STAB2: variants seen among roughly 807,000 people sequenced by gnomAD.
STAB2 encodes stabilin 2, also known as stabilin-2.
STAB2 carries 288 observed loss-of-function variants against 338.1 expected under a neutral mutation model. That is an observed-to-expected ratio of 0.85 (90% CI 0.77 to 0.94). STAB2 has a LOEUF of 0.94. Ranked by LOEUF, STAB2 falls within the 40% of genes least tolerant of loss-of-function variation. The pLI is 0.00. For missense variants in STAB2, 3,141 were observed against 3,210.1 expected, an observed-to-expected ratio of 0.98 and a Z score of 0.52; for synonymous variants, 1,202 against 1,193.3, an observed-to-expected ratio of 1.01 and a Z score of -0.15.
intron 55 of STAB2, among the ~76,000 whole-genome samples, chr12:103,741,426 G>A (rs1383764724): frequency 6.6e-6 from 1 of 152,072 alleles, no homozygotes; most frequent in Non-Finnish European, 1.5e-5. Context: ...ACAACCCCTA[G>A]GGAGTAGGTT....
intron 18 of STAB2, 53 bp downstream of exon 18, chr12:103,663,051 G>C (rs1874761884): frequency 1.3e-6 from 2 of 1,596,336 alleles, no homozygotes; most frequent in Middle Eastern, 1.7e-4. Context: ...TCAGAGCAGA[G>C]AGCATCCCAC....
At chr12:103,655,035 A>T (rs1874074717) in intron 13 of STAB2, among the ~76,000 whole-genome samples, 1 of 152,248 alleles carries the variant, frequency 6.6e-6, no homozygotes. Flanking sequence ...TCTGACCTAG[A>T]TGATGAGGGC....
intron 21 of STAB2, 37 bp from the exon 22 acceptor site, chr12:103,670,659 T>C (rs778740519): frequency 6.6e-6 from 10 of 1,513,416 alleles, no homozygotes; most frequent in Non-Finnish European, 9.2e-6. Flanking sequence ...GAGAACTATG[T>C]GTCCTAATGG....
At chr12:103,684,965 T>G (rs769994387) in intron 26 of STAB2, 24 bp from the exon 27 acceptor site, 1 of 1,610,806 alleles carries the variant, frequency 6.2e-7, no homozygotes, top group Non-Finnish European at 8.5e-7. Flanking sequence ...GGGGTAACCA[T>G]TTCTTTCATC....
At position 103,676,935 on chromosome 12, in the gene STAB2, A is replaced by T. The variant is rs148939290; in HGVS notation, c.2647-518A>T. ...CTACAGATTCCTTTGATTCCCTTTGAGTGAGCCCCATCCCAACCCCATCCC... is the reference window on the plus strand; with the variant it reads ...CTACAGATTCCTTTGATTCCCTTTGTGTGAGCCCCATCCCAACCCCATCCC... On this transcript the variant is annotated intron_variant, in intron 24 of 68. Coordinates refer to ENST00000388887, the MANE Select transcript of STAB2 (RefSeq NM_017564.10). Among the ~76,000 whole-genome samples, 1,091 of 152,218 alleles carry T rather than the reference A, an allele frequency of 7.2e-3. 6 individuals carry two copies. Among genetic ancestry groups the T allele is most frequent in the Non-Finnish European group, 0.011 (738 of 68,012 alleles).
chr12:103,724,068 G>A (rs1880990577), intron 44 of STAB2, among the ~76,000 whole-genome samples: 1 of 152,090 alleles, frequency 6.6e-6, no homozygotes, highest in South Asian at 2.1e-4. Flanking sequence ...AAGAATGAAG[G>A]GAAAGGCGGT....
At chr12:103,668,945 T>A in intron 20 of STAB2, 1 of 500,774 alleles carries the variant, frequency 2.0e-6, no homozygotes, top group Non-Finnish European at 3.6e-6. Context: ...TTAACACAGA[T>A]CACACTCTTA....
intron 8 of STAB2, among the ~76,000 whole-genome samples, chr12:103,638,735 G>A (rs1450574515): frequency 6.6e-6 from 1 of 152,190 alleles, no homozygotes; most frequent in East Asian, 1.9e-4. Flanking sequence ...TAAAAAATCT[G>A]GTCAGGAGAC....
intron 52 of STAB2, among the ~76,000 whole-genome samples, chr12:103,735,861 C>A (rs1330088157): frequency 2.0e-5 from 3 of 152,128 alleles, no homozygotes; most frequent in Admixed American, 6.5e-5. Context: ...TTGTGTAGAG[C>A]ATTTTCCAAT....
chr12:103,610,384 A>C (rs959972627), intron 3 of STAB2, among the ~76,000 whole-genome samples: 1 of 152,168 alleles, frequency 6.6e-6, no homozygotes, highest in African/African-American at 2.4e-5. Context: ...TGGTCTATTC[A>C]AAGATTCAAC....
chr12:103,740,117 A>T (rs61549164), intron 54 of STAB2, among the ~76,000 whole-genome samples: 4,040 of 152,322 alleles, frequency 0.027, 185 homozygotes, highest in African/African-American at 0.094. Flanking sequence ...AGTAAATTTT[A>T]AAAATGTGGG....
At position 103,726,142 on chromosome 12, in the gene STAB2, C is replaced by G. The variant is rs1212742144; in HGVS notation, c.4830C>G (p.Ser1610=). ...AGCTTCCCAAGAACCCGAAAACTTC[C>G]CAGTATTTCTTCCAGTTGCAGGTAG... ...YQELPKNPKT[S]QYFFQLQEHF... The change falls in exon 46 of 69, where the codon TCC becomes TCG. Residue 1610 remains serine, a synonymous_variant. Coordinates refer to ENST00000388887, the MANE Select transcript of STAB2 (RefSeq NM_017564.10). 1 of 1,613,922 alleles carries G rather than the reference C, an allele frequency of 6.2e-7. No individual in the cohort carries two copies. The highest frequency in any genetic ancestry group is 8.5e-7 in the Non-Finnish European group (1 of 1,179,860).
rs370649199 is a variant in STAB2, at chr12:103,692,768, C to A, written c.3298-44C>A. 5.0e-5 allele frequency: 75 copies of A among 1,507,750 alleles called. No individual in the cohort carries two copies. The East Asian group carries it at 1.6e-3, about 32-fold the overall frequency. The allele number at this position is 1,507,750 out of a possible 1,614,324, so 93.4% of individuals were successfully genotyped here. A position where few individuals can be genotyped will look rare whatever the true frequency, so the allele number is the denominator to read the frequency against. ...CAGAGATCATCTCAATCCCAAGGTG[C>A]GCTCTATAAAGACTCATCTTCCCAC... On this transcript the variant is annotated intron_variant, in intron 30 of 68. Coordinates refer to ENST00000388887, the MANE Select transcript of STAB2 (RefSeq NM_017564.10).
Position 103,730,240 on chromosome 12 carries a change from A to C in STAB2, c.5207A>C (p.Asn1736Thr), listed in dbSNP as rs17034433. Residue 1736 changes from asparagine to threonine, a missense_variant, in exon 49 of 69, where the codon AAC (asparagine) becomes ACC (threonine). Coordinates refer to ENST00000388887, the MANE Select transcript of STAB2 (RefSeq NM_017564.10). ...PKNLLITPKD[N>T]SGRILQNLTT... ...AATTTGCTTATCACTCCCAAAGACA[A>C]CTCTGGAAGAATTCTGGTAGGTAAA... is the stretch of plus-strand genomic sequence containing the variant. 0.043 allele frequency: 68,854 copies of C among 1,612,686 alleles called. 1,829 individuals are homozygous for C. The highest frequency in any genetic ancestry group is 0.11 in the Admixed American group (6,291 of 59,904).
At chr12:103,680,270 T>A (rs1876778903) in intron 25 of STAB2, among the ~76,000 whole-genome samples, 1 of 152,236 alleles carries the variant, frequency 6.6e-6, no homozygotes, top group African/African-American at 2.4e-5. Flanking sequence ...TTTTAAATGG[T>A]TAAAATGATA....
intron 24 of STAB2, among the ~76,000 whole-genome samples, 158 bp downstream of exon 24, chr12:103,676,179 A>G (rs697201): frequency 0.18 from 26,740 of 149,006 alleles, 2,445 homozygotes; most frequent in East Asian, 0.28. Flanking sequence ...CTCCTGCCTC[A>G]GCCTCCCGAG....
In STAB2 at chr12:103,699,111, C is replaced by G. The variant is rs139480810; in HGVS notation, c.3598C>G (p.Arg1200Gly). ...KVLSLEEDVL[R>G]YHVVLEEKLL... ...TGTGATCCAGGAGGAGGACGTCCTCCGGTATCATGTGGTCCTGGAGGAGAA... is the reference window on the plus strand; with the variant it reads ...TGTGATCCAGGAGGAGGACGTCCTCGGGTATCATGTGGTCCTGGAGGAGAA... Residue 1200 changes from arginine to glycine, a missense_variant, in exon 34 of 69, where the codon CGG becomes GGG. Coordinates refer to ENST00000388887, the MANE Select transcript of STAB2 (RefSeq NM_017564.10). 1.2e-6 allele frequency: 2 copies of G among 1,609,220 alleles called. No homozygotes were observed. Among genetic ancestry groups the G allele is most frequent in the African/African-American group, 1.3e-5 (1 of 74,918 alleles).
chr12:103,672,907 G>C (rs1378107477), intron 22 of STAB2, among the ~76,000 whole-genome samples: 17 of 152,270 alleles, frequency 1.1e-4, no homozygotes, highest in Non-Finnish European at 1.5e-4. Flanking sequence ...CCTGGTTTAA[G>C]TTTCTGCCTG....
At chr12:103,764,566 T>C (rs1276688410) in intron 68 of STAB2, among the ~76,000 whole-genome samples, 3 of 152,186 alleles carry the variant, frequency 2.0e-5, no homozygotes, top group Non-Finnish European at 4.4e-5. Flanking sequence ...AAAAAATACA[T>C]AGGAATAGAA....
Sources: allele counts gnomAD v4.1 joint callset (sites outside exome capture counted in the v4.1 genomes callset), GRCh38; gene constraint gnomAD v4.1.1; transcripts MANE v1.5; gene names NCBI Gene and HGNC (gene_info 2026-07-23, HGNC 2026-07-21).